Variants in NAV2 observed in about 807,000 individuals in gnomAD.
NAV2 encodes helicase, APC down-regulated 1.
Under a neutral mutation model 223.2 loss-of-function variants are expected in NAV2, and 54 were observed. The observed-to-expected ratio is 0.24, with a 90% confidence interval of 0.19 to 0.30. The LOEUF (loss-of-function observed/expected upper bound fraction) is 0.30, where lower values mean the gene tolerates loss of function less well. Among genes scored for constraint, NAV2 ranks in the 10% least tolerant of loss-of-function variants. The probability of loss-of-function intolerance (pLI) is 1.00; values close to 1 mark genes in which losing one functional copy is unlikely to be tolerated. For synonymous variants in NAV2, 1,279 were observed against 1,239.3 expected, an observed-to-expected ratio of 1.03 and a Z score of -0.67; for missense variants, 2,806 against 3,147.5, an observed-to-expected ratio of 0.89 and a Z score of 2.60.
intron 1 of NAV2, among the ~76,000 whole-genome samples, chr11:19,654,894 A>G (rs1427560430): frequency 2.0e-5 from 3 of 152,232 alleles, no homozygotes; most frequent in Non-Finnish European, 2.9e-5. Flanking sequence ...GATAAATGGG[A>G]TCTAATTAAA....
At chr11:19,609,569 G>A (rs141377820) in intron 1 of NAV2, among the ~76,000 whole-genome samples, 222 of 152,278 alleles carry the variant, frequency 1.5e-3, no homozygotes, top group African/African-American at 5.1e-3. Context: ...TCATCCTGGC[G>A]CTGCAGTTGG....
At chr11:20,061,035 C>T (rs907865213) in intron 19 of NAV2, among the ~76,000 whole-genome samples, 3 of 152,196 alleles carry the variant, frequency 2.0e-5, no homozygotes, top group African/African-American at 7.2e-5. Context: ...GAAGTTACCC[C>T]AGTGCCTCCC....
chr11:20,077,965 C>A, intron 23 of NAV2, 28 bp from the exon 24 acceptor site: 2 of 1,559,462 alleles, frequency 1.3e-6, no homozygotes, highest in African/African-American at 1.4e-5. Flanking sequence ...TGATTTTAGG[C>A]TGACCAATAA....
intron 1 of NAV2, among the ~76,000 whole-genome samples, chr11:19,532,907 G>A (rs774100695): frequency 1.7e-4 from 26 of 152,232 alleles, no homozygotes; most frequent in Non-Finnish European, 3.4e-4. Flanking sequence ...GGCAACTGAT[G>A]TTGGAGTGTA....
intron 1 of NAV2, among the ~76,000 whole-genome samples, chr11:19,763,249 G>A (rs908148295): frequency 2.0e-5 from 3 of 152,196 alleles, no homozygotes; most frequent in Non-Finnish European, 4.4e-5. Context: ...ACAGGAGACT[G>A]TCTGTATTTT....
intron 6 of NAV2, among the ~76,000 whole-genome samples, chr11:19,898,458 C>G (rs867761189): frequency 2.0e-5 from 3 of 152,292 alleles, no homozygotes; most frequent in Middle Eastern, 6.8e-3. Flanking sequence ...ATTGATATTA[C>G]TTTCAAAATC....
At chr11:19,620,090 G>A (rs980250992) in intron 1 of NAV2, among the ~76,000 whole-genome samples, 3 of 152,098 alleles carry the variant, frequency 2.0e-5, no homozygotes, top group Non-Finnish European at 4.4e-5. Flanking sequence ...TATTATTTCT[G>A]AGGGCTCTGT....
chr11:19,826,900 C>A (rs920753401), intron 1 of NAV2, among the ~76,000 whole-genome samples: 1 of 152,222 alleles, frequency 6.6e-6, no homozygotes, highest in Non-Finnish European at 1.5e-5. Context: ...CACTTACCAG[C>A]CTCCTGCGGT....
At chr11:20,027,905 C>G (rs1360050123) in intron 11 of NAV2, among the ~76,000 whole-genome samples, 10 of 152,214 alleles carry the variant, frequency 6.6e-5, no homozygotes, top group Admixed American at 3.9e-4. Context: ...GTGGAAAAAT[C>G]TGTTTAATCA....
intron 1 of NAV2, among the ~76,000 whole-genome samples, chr11:19,415,199 C>T (rs1013919244): frequency 1.3e-5 from 2 of 151,766 alleles, no homozygotes; most frequent in African/African-American, 4.8e-5. Flanking sequence ...GACTGCTAGC[C>T]AGACTAATAA....
chr11:19,898,946 C>A (rs979572456), intron 6 of NAV2, among the ~76,000 whole-genome samples: 2 of 152,148 alleles, frequency 1.3e-5, no homozygotes, highest in Admixed American at 6.5e-5. Flanking sequence ...CAACCAGTTG[C>A]CTTAACATAG....
chr11:19,781,725 A>G (rs1037260501), intron 1 of NAV2, among the ~76,000 whole-genome samples: 5 of 150,746 alleles, frequency 3.3e-5, no homozygotes, highest in African/African-American at 1.2e-4. Flanking sequence ...CTGAGCTCCC[A>G]GGTGCTGTGT....
At chr11:20,082,718 C>A in intron 25 of NAV2, 3 of 1,071,178 alleles carry the variant, frequency 2.8e-6, no homozygotes, top group Non-Finnish European at 4.3e-6. Flanking sequence ...GTAACCTCAT[C>A]TTCCCAACAT....
chr11:19,711,764 T>A (rs1368168822), upstream of NAV2: 1 of 152,248 alleles, frequency 6.6e-6, no homozygotes, highest in East Asian at 1.9e-4. Flanking sequence ...CTTTTATTGG[T>A]CTCTTACATT....
rs143363037 is a variant in NAV2 at position 19,848,444 on chromosome 11, C to T, written c.438+5521C>T. ...CAGCTCTGCTCTTGGCTCCAGCCCTCCTTTCTCTGGTCCTCCTCAGTCTCT... is the reference window on the plus strand; with the variant it reads ...CAGCTCTGCTCTTGGCTCCAGCCCTTCTTTCTCTGGTCCTCCTCAGTCTCT... On this transcript the variant is annotated intron_variant, in intron 3 of 37. Transcript: ENST00000349880. Among the ~76,000 whole-genome samples, 419 of 152,290 alleles carry T rather than the reference C, an allele frequency of 2.8e-3. 1 individual carries two copies. The highest frequency in any genetic ancestry group is 9.5e-3 in the African/African-American group (396 of 41,558).
Position 20,062,245 on chromosome 11 carries a change from T to G in NAV2, c.4832-62T>G, listed in dbSNP as rs145514215. The G allele has an allele frequency of 7.9e-4, 969 of 1,225,686 alleles. 9 individuals are homozygous for G. The African/African-American group carries it at 0.011, about 14-fold the overall frequency. The allele number at this position is 1,225,686 out of a possible 1,614,324, so 75.9% of individuals were successfully genotyped here. On this transcript the variant is annotated intron_variant, in intron 19 of 37. Transcript: ENST00000349880. The stretch of plus-strand genomic sequence containing the variant: ...CTGTATTGCTGATGTTCTCCTCCCC[T>G]GTCCCCTTTTTGGTTCCATAACAGC...
At chr11:20,081,516 G>A (rs538844165) in intron 25 of NAV2, among the ~76,000 whole-genome samples, 20 of 152,310 alleles carry the variant, frequency 1.3e-4, no homozygotes, top group African/African-American at 4.6e-4. Flanking sequence ...AGCTCTGTCT[G>A]ATCTTTGTAA....
At chr11:19,424,610 G>A (rs1376209020) in intron 1 of NAV2, among the ~76,000 whole-genome samples, 3 of 152,240 alleles carry the variant, frequency 2.0e-5, no homozygotes, top group East Asian at 3.9e-4. Flanking sequence ...ATGCAGTGGC[G>A]CAATCTCAGC....
chr11:19,535,863 T>C (rs943782608), intron 1 of NAV2, among the ~76,000 whole-genome samples: 3 of 152,144 alleles, frequency 2.0e-5, no homozygotes, highest in African/African-American at 7.2e-5. Context: ...CAGGGTTGAG[T>C]ATGGGGACCT....
Sources: gnomAD v4.1 joint callset for allele counts (sites outside exome capture counted in the v4.1 genomes callset) on GRCh38, gnomAD v4.1.1 for gene constraint, MANE v1.5 for transcripts, NCBI Gene and HGNC (gene_info 2026-07-23, HGNC 2026-07-21) for gene names.